ATRNL1: variants seen among roughly 807,000 people sequenced by gnomAD.
The protein encoded by ATRNL1 is attractin-like protein 1.
Under a neutral mutation model 182.7 loss-of-function variants are expected in ATRNL1, and 95 were observed. The observed-to-expected ratio is 0.52, with a 90% CI of 0.44 to 0.62. The LOEUF is 0.62. ATRNL1 is among the 20% of genes least tolerant of loss of function. The pLI is 0.00. For missense variants in ATRNL1, 1,471 were observed against 1,679.5 expected (o/e 0.88, Z 2.17); for synonymous variants, 576 against 568.3 (o/e 1.01, Z -0.19).
intron 28 of ATRNL1, among the ~76,000 whole-genome samples, chr10:115,917,206 C>T (rs190608265): frequency 1.9e-4 from 29 of 151,924 alleles, no homozygotes; most frequent in African/African-American, 4.1e-4. Context: ...AGCGGTGGCT[C>T]GCGCCTGTAA....
chr10:115,556,267 G>T (rs1311320054), intron 26 of ATRNL1, among the ~76,000 whole-genome samples: 1 of 152,056 alleles, frequency 6.6e-6, no homozygotes, highest in Non-Finnish European at 1.5e-5. Flanking sequence ...CTTATTGAAA[G>T]AGCTCTTATA....
chr10:115,357,155 C>A (rs1856539631), intron 19 of ATRNL1, among the ~76,000 whole-genome samples: 1 of 151,678 alleles, frequency 6.6e-6, no homozygotes, highest in Non-Finnish European at 1.5e-5. Flanking sequence ...GGTTCTTATG[C>A]CAACTCACAA....
At chr10:115,757,048 G>A (rs782262797) in intron 27 of ATRNL1, among the ~76,000 whole-genome samples, 8 of 151,908 alleles carry the variant, frequency 5.3e-5, no homozygotes, top group Non-Finnish European at 2.9e-5. Context: ...GAGCCTATGT[G>A]TGTCCCTACA....
At chr10:115,760,395 T>C (rs1295782263) in intron 27 of ATRNL1, among the ~76,000 whole-genome samples, 1 of 152,082 alleles carries the variant, frequency 6.6e-6, no homozygotes, top group Non-Finnish European at 1.5e-5. Flanking sequence ...TACGTATTCA[T>C]TGGTACTGAA....
chr10:115,672,474 T>C (rs782284838), intron 26 of ATRNL1, among the ~76,000 whole-genome samples: 18 of 152,266 alleles, frequency 1.2e-4, no homozygotes, highest in Non-Finnish European at 2.5e-4. Flanking sequence ...TATAGCGTTT[T>C]AGAACATAAT....
chr10:115,857,170 A>G (rs539976470), intron 28 of ATRNL1, among the ~76,000 whole-genome samples: 1 of 152,296 alleles, frequency 6.6e-6, no homozygotes, highest in East Asian at 1.9e-4. Context: ...TAATAATACA[A>G]TATATAACAT....
intron 26 of ATRNL1, among the ~76,000 whole-genome samples, chr10:115,562,725 G>C (rs1303253624): frequency 1.3e-5 from 2 of 152,124 alleles, no homozygotes; most frequent in Non-Finnish European, 2.9e-5. Context: ...TGTGAATAAG[G>C]ATGTGTTCAG....
chr10:115,304,116 C>T (rs1853613711), intron 17 of ATRNL1, among the ~76,000 whole-genome samples: 2 of 152,186 alleles, frequency 1.3e-5, no homozygotes, highest in African/African-American at 4.8e-5. Flanking sequence ...CTCCAGGAAA[C>T]AGCCACTTGG....
intron 26 of ATRNL1, among the ~76,000 whole-genome samples, chr10:115,631,438 A>C (rs1858502205): frequency 6.6e-6 from 1 of 152,134 alleles, no homozygotes; most frequent in East Asian, 1.9e-4. Context: ...AAGATTTTAC[A>C]GTATAAATAG....
rs1278699870 is a variant in ATRNL1 at position 115,178,014 on chromosome 10, G to T, written c.1348+6722G>T. ...GCTCACTGAAGCCTCTGCCACCTGG[G>T]TTCAAGTGATCCTCCCACCTCAGCC... On this transcript the variant is annotated intron_variant, in intron 8 of 28. Coordinates refer to ENST00000355044, the MANE Select transcript of ATRNL1 (RefSeq NM_207303.4). 2.7e-5 allele frequency among the ~76,000 whole-genome samples: 4 copies of T among 148,764 alleles called. 1 individual carries two copies. The highest frequency in any genetic ancestry group is 5.9e-5 in the Non-Finnish European group (4 of 67,322).
At chr10:115,771,525 C>G (rs369980333) in intron 27 of ATRNL1, among the ~76,000 whole-genome samples, 1 of 152,152 alleles carries the variant, frequency 6.6e-6, no homozygotes, top group Non-Finnish European at 1.5e-5. Context: ...CCACCGCGCC[C>G]GGCCAGAATT....
chr10:115,262,175 T>C (rs1554909006), intron 10 of ATRNL1, among the ~76,000 whole-genome samples: 1 of 118,282 alleles, frequency 8.5e-6, no homozygotes. Context: ...GGGCAGTGGA[T>C]TTTTTTTTTT....
At chr10:115,298,774 G>A (rs1251798199) in intron 15 of ATRNL1, among the ~76,000 whole-genome samples, 3 of 152,030 alleles carry the variant, frequency 2.0e-5, no homozygotes, top group Non-Finnish European at 4.4e-5. Flanking sequence ...TTATTCTAAT[G>A]AATTTTGTTT....
chr10:115,282,113 AT>A (rs1215483719), intron 14 of ATRNL1, among the ~76,000 whole-genome samples: 1 of 146,200 alleles, frequency 6.8e-6, no homozygotes, highest in Non-Finnish European at 1.5e-5. Context: ...TAAATATATA[AT>A]TTATATATTT....
At chr10:115,257,724 A>C (rs572192041) in intron 10 of ATRNL1, among the ~76,000 whole-genome samples, 52 of 152,282 alleles carry the variant, frequency 3.4e-4, no homozygotes, top group African/African-American at 1.2e-3. Flanking sequence ...GTAATTTAGC[A>C]TGTTTTTGCA....
At chr10:115,744,867 A>G (rs991358512) in intron 27 of ATRNL1, among the ~76,000 whole-genome samples, 1 of 152,174 alleles carries the variant, frequency 6.6e-6, no homozygotes, top group Admixed American at 6.6e-5. Flanking sequence ...AATGTTAGCT[A>G]TTTCTCTAAG....
chr10:115,697,749 G>A (rs1050830320), intron 26 of ATRNL1, among the ~76,000 whole-genome samples: 1 of 152,042 alleles, frequency 6.6e-6, no homozygotes, highest in Admixed American at 6.6e-5. Context: ...TTGAGTTAGA[G>A]GTCTTTATCT....
At chr10:115,232,776 T>G (rs182123520) in intron 9 of ATRNL1, among the ~76,000 whole-genome samples, 1 of 152,264 alleles carries the variant, frequency 6.6e-6, no homozygotes, top group Non-Finnish European at 1.5e-5. Context: ...ATTCCATTAG[T>G]GGTCTGCAAT....
intron 13 of ATRNL1, among the ~76,000 whole-genome samples, chr10:115,274,331 T>C (rs191071580): frequency 6.6e-6 from 1 of 152,330 alleles, no homozygotes; most frequent in East Asian, 1.9e-4. Context: ...CAGTGAGGAA[T>C]GTGTTACCTC....
Sources: gnomAD v4.1 joint callset for allele counts (sites outside exome capture counted in the v4.1 genomes callset) on GRCh38, gnomAD v4.1.1 for gene constraint, MANE v1.5 for transcripts, NCBI Gene and HGNC (gene_info 2026-07-23, HGNC 2026-07-21) for gene names.